Variants in ASAP1 observed in about 807,000 individuals in gnomAD.
ASAP1 encodes arf-GAP with SH3 domain, ANK repeat and PH domain-containing protein 1.
A neutral mutation model predicts 145.2 loss-of-function variants in ASAP1; 43 were observed. The ratio of observed to expected loss-of-function variants is 0.30; its 90% CI spans 0.23 to 0.38. The LOEUF (loss-of-function observed/expected upper bound fraction) is 0.38, where lower values mean the gene tolerates loss of function less well. Ranked by LOEUF, ASAP1 falls within the 10% of genes least tolerant of loss-of-function variation. ASAP1 has a pLI of 1.00. For missense variants in ASAP1, 1,018 were observed against 1,355.3 expected, an observed-to-expected ratio of 0.75 and a Z score of 3.91; for synonymous variants, 546 against 515.5, an observed-to-expected ratio of 1.06 and a Z score of -0.80.
intron 3 of ASAP1, among the ~76,000 whole-genome samples, chr8:130,301,036 G>A (rs1565187028): frequency 6.6e-6 from 1 of 152,182 alleles, no homozygotes; most frequent in African/African-American, 2.4e-5. Context: ...TCTTGGTGGA[G>A]AAATTCATTC....
At chr8:130,343,312 CT>C (rs1825505930) in intron 3 of ASAP1, among the ~76,000 whole-genome samples, 1 of 152,184 alleles carries the variant, frequency 6.6e-6, no homozygotes. Flanking sequence ...TCACCACCCC[CT>C]AACACTGAGA....
intron 11 of ASAP1, among the ~76,000 whole-genome samples, chr8:130,162,144 T>C (rs1011922088): frequency 1.3e-5 from 2 of 152,190 alleles, no homozygotes; most frequent in African/African-American, 4.8e-5. Flanking sequence ...AATTCTATAG[T>C]AATGTGGTTC....
At chr8:130,233,396 C>G (rs1410086329) in intron 4 of ASAP1, among the ~76,000 whole-genome samples, 1 of 152,140 alleles carries the variant, frequency 6.6e-6, no homozygotes, top group Non-Finnish European at 1.5e-5. Context: ...TACAGAGTAC[C>G]TGTAAAGAGC....
intron 4 of ASAP1, among the ~76,000 whole-genome samples, chr8:130,227,485 T>C (rs776035336): frequency 3.9e-5 from 6 of 152,146 alleles, no homozygotes; most frequent in Non-Finnish European, 5.9e-5. Context: ...CTCGAATTCC[T>C]GGGCTCAAGT....
At chr8:130,071,054 A>T (rs1247339441) in intron 27 of ASAP1, among the ~76,000 whole-genome samples, 1 of 99,016 alleles carries the variant, frequency 1.0e-5, no homozygotes, top group East Asian at 2.7e-4. Flanking sequence ...GAGAAAGCAG[A>T]GTTTCCCCAA....
intron 9 of ASAP1, among the ~76,000 whole-genome samples, chr8:130,174,212 C>T (rs1002297346): frequency 1.2e-4 from 18 of 150,302 alleles, no homozygotes; most frequent in Non-Finnish European, 2.2e-4. Flanking sequence ...GTCTGAATAA[C>T]AGAATGCTCA....
intron 3 of ASAP1, among the ~76,000 whole-genome samples, chr8:130,345,721 G>A (rs541180823): frequency 1.2e-3 from 178 of 152,252 alleles, no homozygotes; most frequent in African/African-American, 3.9e-3. Flanking sequence ...CACCACTTTT[G>A]AGAGGCCAAG....
chr8:130,158,567 C>T (rs1281738622), intron 12 of ASAP1, among the ~76,000 whole-genome samples: 1 of 151,980 alleles, frequency 6.6e-6, no homozygotes, highest in Non-Finnish European at 1.5e-5. Flanking sequence ...TCTACTTATG[C>T]ACTTACTGTG....
chr8:130,218,922 A>G (rs1817109060), intron 4 of ASAP1, among the ~76,000 whole-genome samples: 2 of 152,194 alleles, frequency 1.3e-5, no homozygotes, highest in South Asian at 2.1e-4. Flanking sequence ...ATATATATAC[A>G]TGTCTCACAT....
chr8:130,200,056 C>T (rs1399586513), intron 5 of ASAP1, among the ~76,000 whole-genome samples: 1 of 152,116 alleles, frequency 6.6e-6, no homozygotes, highest in Non-Finnish European at 1.5e-5. Flanking sequence ...TATGACCTAC[C>T]AGGGCCTTGG....
At chr8:130,152,958 C>A (rs1327516708) in intron 12 of ASAP1, among the ~76,000 whole-genome samples, 153 bp from the exon 13 acceptor site, 1 of 152,092 alleles carries the variant, frequency 6.6e-6, no homozygotes, top group Non-Finnish European at 1.5e-5. Context: ...CTTTTATTAT[C>A]CCAGGTGGAA....
At chr8:130,189,772 A>G (rs1815009837) in intron 5 of ASAP1, among the ~76,000 whole-genome samples, 1 of 152,232 alleles carries the variant, frequency 6.6e-6, no homozygotes, top group South Asian at 2.1e-4. Context: ...TATTACCACC[A>G]ACAGCGTATG....
intron 12 of ASAP1, among the ~76,000 whole-genome samples, chr8:130,153,821 G>A (rs761561105): frequency 1.3e-5 from 2 of 152,156 alleles, no homozygotes; most frequent in African/African-American, 2.4e-5. Context: ...TGTTAATTAA[G>A]TAGTTTTCAA....
chr8:130,187,996 G>A (rs62525879), intron 6 of ASAP1, 113 bp downstream of exon 6: 556 of 780,220 alleles, frequency 7.1e-4, no homozygotes, highest in Non-Finnish European at 1.1e-3. Flanking sequence ...CATTTTTAAC[G>A]CTGAAAATGT....
chr8:130,098,826 C>G (rs1248210315), intron 24 of ASAP1, among the ~76,000 whole-genome samples: 1 of 152,002 alleles, frequency 6.6e-6, no homozygotes, highest in Non-Finnish European at 1.5e-5. Context: ...TGAAAATATA[C>G]ACCAAATTAC....
At chr8:130,067,873 C>T (rs1180966819) in intron 27 of ASAP1, among the ~76,000 whole-genome samples, 4 of 152,176 alleles carry the variant, frequency 2.6e-5, no homozygotes, top group Non-Finnish European at 5.9e-5. Flanking sequence ...ATCTGATCAT[C>T]AAGGTTTATA....
chr8:130,180,014 G>A (rs921146852), intron 8 of ASAP1, among the ~76,000 whole-genome samples: 1 of 142,998 alleles, frequency 7.0e-6, no homozygotes, highest in Non-Finnish European at 1.5e-5. Context: ...GAAAGAGAGA[G>A]AGAGAAAGAA....
chr8:130,356,653 CAG>C (rs1288820162), intron 3 of ASAP1, among the ~76,000 whole-genome samples: 4 of 152,202 alleles, frequency 2.6e-5, no homozygotes, highest in African/African-American at 9.7e-5. Context: ...ATACTGACTC[CAG>C]AGAGAACTCT....
intron 4 of ASAP1, among the ~76,000 whole-genome samples, chr8:130,222,909 A>C (rs576183280): frequency 5.6e-4 from 86 of 152,230 alleles, no homozygotes; most frequent in Admixed American, 2.1e-3. Context: ...AGCCTCTAGA[A>C]GTCTTTTAAC....
Sources: gnomAD v4.1 joint callset for allele counts (sites outside exome capture counted in the v4.1 genomes callset) on GRCh38, gnomAD v4.1.1 for gene constraint, MANE v1.5 for transcripts, NCBI Gene and HGNC (gene_info 2026-07-23, HGNC 2026-07-21) for gene names.